ASIC2: variants seen among roughly 807,000 people sequenced by gnomAD.
ASIC2 encodes the protein acid-sensing ion channel 2.
ASIC2 carries 25 observed loss-of-function variants against 57.3 expected under a neutral mutation model. The observed-to-expected ratio is 0.44, with a 90% CI of 0.32 to 0.61. The LOEUF is 0.61. Among genes scored for constraint, ASIC2 ranks in the 20% least tolerant of loss-of-function variants. The probability of loss-of-function intolerance (pLI) is 0.06; values close to 1 mark genes in which losing one functional copy is unlikely to be tolerated. For missense variants in ASIC2, 641 were observed against 738.1 expected, an observed-to-expected ratio of 0.87 and a Z score of 1.52; for synonymous variants, 319 against 307.5, an observed-to-expected ratio of 1.04 and a Z score of -0.39.
chr17:33,653,255 G>T (rs922233908), intron 1 of ASIC2, among the ~76,000 whole-genome samples: 4 of 152,128 alleles, frequency 2.6e-5, no homozygotes, highest in Non-Finnish European at 5.9e-5. Context: ...TTAGATTTCT[G>T]CTCTGACACC....
intron 1 of ASIC2, among the ~76,000 whole-genome samples, chr17:33,230,198 A>G (rs1197832170): frequency 6.6e-6 from 1 of 152,242 alleles, no homozygotes; most frequent in Non-Finnish European, 1.5e-5. Context: ...AGAAGCCCCC[A>G]TGGGGCTAAA....
At position 33,521,036 on chromosome 17, in the gene ASIC2, A is replaced by T. The variant is rs530898578; in HGVS notation, c.556-408969T>A. Among the ~76,000 whole-genome samples, 57 of 152,098 alleles carry T rather than the reference A, an allele frequency of 3.7e-4. 2 individuals are homozygous for T. In the South Asian group the frequency reaches 1.0e-2, roughly 27 times the overall value. ...TATGGCAGCCAGGAGTCTGAATAAT[A>T]ATAATTATTATTATTATTTCATAAC... On this transcript the variant is annotated intron_variant, in intron 1 of 9. Coordinates refer to the ASIC2 transcript ENST00000359872.
In ASIC2 at chr17:33,237,182, A is replaced by T. The variant is rs548158642; in HGVS notation, c.708+54226T>A. On this transcript the variant is annotated intron_variant, in intron 1 of 9. Transcript: ENST00000225823. ...GCCACAGAGCACCATCAGAGCCAGA[A>T]GAAGTTATTGTTGGCTTCCAAAAAA... 1.3e-4 allele frequency among the ~76,000 whole-genome samples: 20 copies of T among 152,310 alleles called. No individual in the cohort carries two copies. The South Asian group carries it at 3.7e-3, about 28-fold the overall frequency.
chr17:34,002,177 T>C lies in ASIC2; in HGVS notation c.555+153801A>G, dbSNP rs968050296. 4.6e-5 allele frequency: 7 copies of C among 152,380 alleles called. No individual in the cohort carries two copies. In the East Asian group the frequency reaches 7.7e-4, roughly 17 times the overall value. The allele number at this position is 152,380 out of a possible 1,614,324, so 9.4% of individuals were successfully genotyped here. A position where few individuals can be genotyped will look rare whatever the true frequency, so the allele number is the denominator to read the frequency against. ...CATCCTTCTATACACTGTTTTGTGATAGGACTCTACAAACCACATTTCTGC... is the reference window on the plus strand; with the variant it reads ...CATCCTTCTATACACTGTTTTGTGACAGGACTCTACAAACCACATTTCTGC... On this transcript the variant is annotated intron_variant, in intron 1 of 9. Transcript: ENST00000359872.
chr17:33,167,134 C>T (rs752907011), intron 1 of ASIC2, among the ~76,000 whole-genome samples: 12 of 152,136 alleles, frequency 7.9e-5, no homozygotes, highest in Non-Finnish European at 1.8e-4. Flanking sequence ...AGATGAAGCC[C>T]CAGACCAACA....
chr17:33,631,681 A>G (rs72827242), intron 1 of ASIC2, among the ~76,000 whole-genome samples: 45,013 of 151,936 alleles, frequency 0.3, 6,842 homozygotes, highest in East Asian at 0.42. Context: ...TAGCATCCAT[A>G]GGTGGAAGGA....
intron 1 of ASIC2, among the ~76,000 whole-genome samples, chr17:33,946,936 T>C (rs1904393003): frequency 6.6e-6 from 1 of 152,144 alleles, no homozygotes; most frequent in South Asian, 2.1e-4. Flanking sequence ...ATGGGGCATA[T>C]ATGTCCTCTC....
chr17:33,571,017 T>G (rs1048474465), intron 1 of ASIC2, among the ~76,000 whole-genome samples: 4 of 152,194 alleles, frequency 2.6e-5, no homozygotes, highest in Non-Finnish European at 5.9e-5. Flanking sequence ...TTTCACTCTT[T>G]TGATGGGAGG....
At chr17:33,108,093 C>G (rs1446358897) in intron 2 of ASIC2, among the ~76,000 whole-genome samples, 1 of 152,148 alleles carries the variant, frequency 6.6e-6, no homozygotes, top group Non-Finnish European at 1.5e-5. Flanking sequence ...TCCTGTAAAG[C>G]CAGTGGGTTT....
chr17:33,201,523 C>A (rs1906858935), intron 1 of ASIC2, among the ~76,000 whole-genome samples: 1 of 152,188 alleles, frequency 6.6e-6, no homozygotes, highest in South Asian at 2.1e-4. Context: ...ACGTTACCAC[C>A]CCCTTTCATG....
intron 1 of ASIC2, among the ~76,000 whole-genome samples, chr17:33,369,551 T>C (rs762266777): frequency 6.6e-6 from 1 of 152,220 alleles, no homozygotes; most frequent in African/African-American, 2.4e-5. Flanking sequence ...GACACTTTAA[T>C]TGAAAGCATA....
chr17:33,255,064 C>G (rs1357227789), intron 1 of ASIC2, among the ~76,000 whole-genome samples: 1 of 130,232 alleles, frequency 7.7e-6, no homozygotes, highest in Non-Finnish European at 1.6e-5. Flanking sequence ...GGGACAGAGC[C>G]TCGCTCTGTT....
intron 1 of ASIC2, among the ~76,000 whole-genome samples, chr17:33,833,199 G>A (rs1406213822): frequency 6.6e-6 from 1 of 152,060 alleles, no homozygotes; most frequent in Non-Finnish European, 1.5e-5. Flanking sequence ...TTTATGGAGG[G>A]GCAATAGGCA....
rs1463451015 is a variant in ASIC2 at position 33,103,606 on chromosome 17, T to C, written c.859+8311A>G. ...GGGCACTCCTCAAGGGACTTCATTC[T>C]AGGGTGACCTAACTAGGCCTTTTAA... On this transcript the variant is annotated intron_variant, in intron 2 of 9. Transcript: ENST00000225823. Among the ~76,000 whole-genome samples the C allele has an allele frequency of 2.0e-5, 3 of 152,130 alleles. No homozygotes were observed. The East Asian group carries it at 5.8e-4, about 29-fold the overall frequency.
chr17:33,637,545 T>C (rs1906412383), intron 1 of ASIC2, among the ~76,000 whole-genome samples: 1 of 152,222 alleles, frequency 6.6e-6, no homozygotes, highest in African/African-American at 2.4e-5. Flanking sequence ...TGAAAATTTG[T>C]GCTGTAAGGG....
At chr17:33,203,617 A>T (rs890608534) in intron 1 of ASIC2, among the ~76,000 whole-genome samples, 3 of 151,746 alleles carry the variant, frequency 2.0e-5, no homozygotes, top group African/African-American at 7.3e-5. Flanking sequence ...TGGGGGAATG[A>T]CCATCAGTGG....
At chr17:33,753,955 G>T (rs1452852415) in intron 1 of ASIC2, among the ~76,000 whole-genome samples, 2 of 152,144 alleles carry the variant, frequency 1.3e-5, no homozygotes, top group African/African-American at 4.8e-5. Flanking sequence ...AATAACAGGG[G>T]AAACTGCAGC....
At chr17:33,466,742 G>A (rs1042717900) in intron 1 of ASIC2, among the ~76,000 whole-genome samples, 1 of 152,078 alleles carries the variant, frequency 6.6e-6, no homozygotes, top group Non-Finnish European at 1.5e-5. Flanking sequence ...ATAAGAAATG[G>A]GGAAAGGATT....
intron 1 of ASIC2, among the ~76,000 whole-genome samples, chr17:33,260,706 T>C (rs1416427208): frequency 6.6e-6 from 1 of 152,100 alleles, no homozygotes; most frequent in East Asian, 1.9e-4. Flanking sequence ...GATAGTCACC[T>C]CTCTCCAACC....
Sources: gnomAD v4.1 joint callset for allele counts (sites outside exome capture counted in the v4.1 genomes callset) on GRCh38, gnomAD v4.1.1 for gene constraint, MANE v1.5 for transcripts, NCBI Gene and HGNC (gene_info 2026-07-23, HGNC 2026-07-21) for gene names.